Variants in WHRN observed in about 807,000 individuals in gnomAD.
WHRN encodes the protein whirlin.
WHRN carries 41 observed loss-of-function variants against 68.3 expected under a neutral mutation model. The observed-to-expected ratio is 0.60, with a 90% CI of 0.47 to 0.78. The LOEUF (loss-of-function observed/expected upper bound fraction) is 0.78, where lower values mean the gene tolerates loss of function less well. WHRN is among the 30% of genes least tolerant of loss of function. The pLI is 0.00. For synonymous variants in WHRN, 560 were observed against 561.3 expected (o/e 1.00, Z 0.03); for missense variants, 1,243 against 1,244.7 (o/e 1.00, Z 0.02).
intron 1 of WHRN, among the ~76,000 whole-genome samples, chr9:114,480,479 G>A (rs1225484908): frequency 1.0e-5 from 1 of 100,364 alleles, no homozygotes; most frequent in East Asian, 2.3e-4. Flanking sequence ...TAGCTTTGTA[G>A]GAAGAGAGAG....
chr9:114,486,642 T>G (rs960684437), intron 1 of WHRN, among the ~76,000 whole-genome samples: 13 of 152,086 alleles, frequency 8.5e-5, no homozygotes, highest in African/African-American at 3.1e-4. Flanking sequence ...TCCACTTTAA[T>G]GTGAGCATAG....
intron 3 of WHRN, among the ~76,000 whole-genome samples, chr9:114,458,596 G>GCCCTGTCCCTCCCTGGGTGC (rs1350032812): frequency 1.3e-5 from 2 of 152,176 alleles, no homozygotes; most frequent in African/African-American, 2.4e-5. Context: ...AGAGGGGGTG[G>GCCCTGTCCCTCCCTGGGTGC]CCCTGTCCCT....
rs201863779 is a variant in WHRN at position 114,478,548 on chromosome 9, C to G, written c.837+5G>C. ...AGGCTGGCCTCCTTTCCCCACCCCA[C>G]TCACCTTTTTCTCATCCCCTCCTTG... On this transcript the variant is annotated splice_donor_5th_base_variant and intron_variant, in intron 2 of 11. Transcript: ENST00000362057. The G allele has an allele frequency of 1.2e-5, 20 of 1,614,162 alleles. No homozygotes were observed. The East Asian group carries it at 4.5e-4, about 36-fold the overall frequency.
In WHRN at chr9:114,429,226, C is replaced by T. The variant is rs147126823; in HGVS notation, c.964-2813G>A. On this transcript the variant is annotated intron_variant, in intron 3 of 11. Transcript: ENST00000362057. ...GATTACAGGCGTGAGCCACCGCGCC[C>T]CGCCAGTGTCAGATTAATTTCATCA... Among the ~76,000 whole-genome samples, 551 of 152,338 alleles carry T rather than the reference C, an allele frequency of 3.6e-3. 9 individuals are homozygous for T. The highest frequency in any genetic ancestry group is 0.033 in the South Asian group (161 of 4,830).
intron 3 of WHRN, among the ~76,000 whole-genome samples, chr9:114,440,551 A>G (rs959056216): frequency 6.6e-6 from 1 of 152,234 alleles, no homozygotes; most frequent in Non-Finnish European, 1.5e-5. Flanking sequence ...TAAAAAATTA[A>G]GATTTATCAA....
intron 2 of WHRN, among the ~76,000 whole-genome samples, chr9:114,474,836 A>G (rs1311995004): frequency 6.6e-6 from 1 of 152,216 alleles, no homozygotes; most frequent in Non-Finnish European, 1.5e-5. Context: ...AATAAGACGC[A>G]GAATTGACCT....
At chr9:114,439,306 T>C (rs926072513) in intron 3 of WHRN, among the ~76,000 whole-genome samples, 4 of 152,184 alleles carry the variant, frequency 2.6e-5, no homozygotes, top group Non-Finnish European at 5.9e-5. Context: ...AATAACATAA[T>C]TCAGCTGAAG....
intron 2 of WHRN, among the ~76,000 whole-genome samples, chr9:114,474,469 G>C (rs1336350724): frequency 6.6e-6 from 1 of 152,138 alleles, no homozygotes; most frequent in Non-Finnish European, 1.5e-5. Flanking sequence ...CAGCCTGCAG[G>C]AGCTAACTCC....
chr9:114,461,641 G>A (rs1231920198), intron 3 of WHRN, among the ~76,000 whole-genome samples: 1 of 152,182 alleles, frequency 6.6e-6, no homozygotes, highest in Non-Finnish European at 1.5e-5. Flanking sequence ...CCACTTCAGG[G>A]ACTTGGCATT....
chr9:114,504,317 T>C lies in WHRN; in HGVS notation c.485A>G (p.His162Arg). ...LGFSIRGGSE[H>R]GVGIYVSLVE... ...CAGAGACACGTAGATGCCCACGCCGTGCTCCGAGCCCCCACGGATGCTGAA... is the reference window on the plus strand; with the variant it reads ...CAGAGACACGTAGATGCCCACGCCGCGCTCCGAGCCCCCACGGATGCTGAA... The change falls in exon 1 of 12, where the codon CAC (histidine) becomes CGC (arginine). Residue 162 changes from histidine (H) to arginine (R), a missense_variant. His to Arg is a conservative substitution (Grantham distance 29). Coordinates refer to ENST00000362057, the MANE Select transcript of WHRN (RefSeq NM_015404.4). The C allele has an allele frequency of 6.2e-7, 1 of 1,612,180 alleles. No individual in the cohort carries two copies. The highest frequency in any genetic ancestry group is 8.5e-7 in the Non-Finnish European group (1 of 1,180,034).
intron 1 of WHRN, among the ~76,000 whole-genome samples, chr9:114,495,991 C>A (rs1019687709): frequency 1.3e-5 from 2 of 152,162 alleles, no homozygotes; most frequent in Admixed American, 6.5e-5. Context: ...TAATCAGAAA[C>A]CTCTTAATGA....
chr9:114,464,523 G>A (rs189926636), intron 3 of WHRN, among the ~76,000 whole-genome samples: 1 of 152,274 alleles, frequency 6.6e-6, no homozygotes, highest in African/African-American at 2.4e-5. Context: ...AATCCCATTC[G>A]TGGGGCTCCA....
chr9:114,433,901 T>C (rs1837626238), intron 3 of WHRN, among the ~76,000 whole-genome samples: 2 of 152,210 alleles, frequency 1.3e-5, no homozygotes, highest in African/African-American at 4.8e-5. Context: ...GGTTCTCTCT[T>C]CTGACATTGG....
chr9:114,425,857 T>C (rs1040923596), intron 4 of WHRN: 6 of 372,018 alleles, frequency 1.6e-5, no homozygotes, highest in Non-Finnish European at 5.1e-6. Context: ...CCCCAAAGCA[T>C]CTCTCTCTTT....
intron 7 of WHRN, among the ~76,000 whole-genome samples, chr9:114,423,013 C>G (rs1306824572): frequency 6.6e-6 from 1 of 151,708 alleles, no homozygotes; most frequent in East Asian, 1.9e-4. Flanking sequence ...TTTCTATTTG[C>G]CTAATTTACC....
intron 2 of WHRN, among the ~76,000 whole-genome samples, chr9:114,468,163 A>C (rs1193239146): frequency 6.6e-6 from 1 of 152,172 alleles, no homozygotes; most frequent in Non-Finnish European, 1.5e-5. Flanking sequence ...AAATGAGGAC[A>C]ATAATATCTG....
At chr9:114,459,058 T>A (rs912294975) in intron 3 of WHRN, among the ~76,000 whole-genome samples, 7 of 152,190 alleles carry the variant, frequency 4.6e-5, no homozygotes, top group Non-Finnish European at 5.9e-5. Context: ...AGAACCTCCC[T>A]TGGGCAGGGG....
chr9:114,448,278 G>C (rs992340938), intron 3 of WHRN, among the ~76,000 whole-genome samples: 4 of 152,096 alleles, frequency 2.6e-5, no homozygotes, highest in Non-Finnish European at 5.9e-5. Flanking sequence ...CGAAGACAGG[G>C]GCAGAGACTA....
chr9:114,423,332 G>T lies in WHRN; in HGVS notation c.1608C>A (p.Thr536=). ...GSSTGSHGTS[T]TVSSARNTLD... ...AGCTCACCCTGGCCGAGCTGACGGT[G>T]GTGGAGGTGCCGTGGCTGCCTGTGG... Residue 536 remains threonine (T), a synonymous_variant, in exon 7 of 12, where the codon ACC becomes ACA. Transcript: ENST00000362057. 6.2e-7 allele frequency: 1 copy of T among 1,613,970 alleles called. No individual in the cohort carries two copies.
Sources: gnomAD v4.1 joint callset for allele counts (sites outside exome capture counted in the v4.1 genomes callset) on GRCh38, gnomAD v4.1.1 for gene constraint, MANE v1.5 for transcripts, NCBI Gene and HGNC (gene_info 2026-07-23, HGNC 2026-07-21) for gene names.